Variants in VPS13B observed in about 807,000 individuals in gnomAD.
VPS13B encodes intermembrane lipid transfer protein VPS13B.
A neutral mutation model predicts 426.4 loss-of-function variants in VPS13B; 285 were observed. That is an observed-to-expected ratio of 0.67 (90% confidence interval 0.61 to 0.74). VPS13B has a LOEUF of 0.74. VPS13B is among the 30% of genes least tolerant of loss of function. The pLI is 0.00. For missense variants in VPS13B, 4,537 were observed against 4,782.6 expected (o/e 0.95, Z 1.51); for synonymous variants, 1,676 against 1,676.4 (o/e 1.00, Z 0.01).
intron 39 of VPS13B, among the ~76,000 whole-genome samples, chr8:99,763,619 T>C (rs1182009587): frequency 2.0e-5 from 3 of 152,164 alleles, no homozygotes; most frequent in Admixed American, 2.0e-4. Flanking sequence ...GTATTCTATT[T>C]GGTTATGGAT....
intron 17 of VPS13B, among the ~76,000 whole-genome samples, chr8:99,253,914 T>G: frequency 6.6e-6 from 1 of 152,320 alleles, no homozygotes; most frequent in East Asian, 1.9e-4. Context: ...TTAATGATTG[T>G]TTTAGGTATT....
intron 22 of VPS13B, among the ~76,000 whole-genome samples, chr8:99,437,382 A>C (rs1817435157): frequency 6.6e-6 from 1 of 151,536 alleles, no homozygotes; most frequent in African/African-American, 2.4e-5. Context: ...TATTCCATGT[A>C]GTCTTGGACA....
At chr8:99,427,628 A>C (rs1430842761) in intron 21 of VPS13B, among the ~76,000 whole-genome samples, 1 of 152,132 alleles carries the variant, frequency 6.6e-6, no homozygotes, top group Admixed American at 6.6e-5. Flanking sequence ...TGCTCAATGA[A>C]ATAAAAGAGG....
At chr8:99,738,419 C>A (rs1207758502) in intron 39 of VPS13B, among the ~76,000 whole-genome samples, 3 of 152,158 alleles carry the variant, frequency 2.0e-5, no homozygotes, top group African/African-American at 7.2e-5. Flanking sequence ...TTCCTTTCTA[C>A]TTCATTAGAA....
rs186729358 is a variant in VPS13B at position 99,275,337 on chromosome 8, T to A, written c.2824+83T>A. On this transcript the variant is annotated intron_variant, in intron 19 of 61. Transcript: ENST00000357162. The stretch of plus-strand genomic sequence containing the variant: ...AAAGGCTTTTAAAATTGGTATATAT[T>A]TTTTTTTTTTTAGGTATTTTTGTCA... 0.021 allele frequency: 24,294 copies of A among 1,132,664 alleles called. 253 individuals are homozygous for A. The highest frequency in any genetic ancestry group is 0.022 in the Non-Finnish European group (18,734 of 852,040). 70.2% of individuals were successfully genotyped at this position (1,132,664 alleles called of 1,614,324 possible). A position where few individuals can be genotyped will look rare whatever the true frequency, so the allele number is the denominator to read the frequency against.
At chr8:99,229,375 C>T (rs1263417480) in intron 17 of VPS13B, among the ~76,000 whole-genome samples, 2 of 152,192 alleles carry the variant, frequency 1.3e-5, no homozygotes, top group African/African-American at 4.8e-5. Flanking sequence ...TAAAAGCTAA[C>T]AGCTGAAGAC....
intron 43 of VPS13B, among the ~76,000 whole-genome samples, chr8:99,785,554 T>C (rs1186636963): frequency 1.3e-5 from 2 of 152,200 alleles, no homozygotes; most frequent in Non-Finnish European, 2.9e-5. Context: ...CATGATATGG[T>C]ATTGCATTCA....
chr8:99,606,137 C>A (rs1283173980), intron 33 of VPS13B, among the ~76,000 whole-genome samples: 1 of 152,028 alleles, frequency 6.6e-6, no homozygotes, highest in Non-Finnish European at 1.5e-5. Context: ...AACTCCTGGG[C>A]TCGAGTGATC....
chr8:99,190,985 G>A (rs1285496391), intron 16 of VPS13B, among the ~76,000 whole-genome samples: 4 of 151,980 alleles, frequency 2.6e-5, no homozygotes, highest in African/African-American at 9.7e-5. Context: ...ATGCTGGTGA[G>A]GAATTCTTCC....
rs762545973 is a variant in VPS13B at position 99,871,693 on chromosome 8, T to G, written c.11741T>G (p.Val3914Gly). Residue 3914 changes from valine (V) to glycine (G), a missense_variant, in exon 61 of 62, where the codon GTG (valine) becomes GGG (glycine). Physicochemically the swap from Val to Gly is moderately radical, Grantham distance 109. This residue lies in a region of VPS13B where 4,311 missense variants were observed against 4,474.3 expected (regional missense o/e 0.96). Coordinates refer to ENST00000357162, the MANE Select transcript of VPS13B (RefSeq NM_152564.5). ...QLKQPRVACDVEVDGVRERLS... is the reference protein window; with the variant it reads ...QLKQPRVACDGEVDGVRERLS... Reference sequence around the variant, plus strand: ...AAGCAGCCAAGAGTGGCCTGTGATGTGGAGGTACGTTTCAGAAAACAGGGC... The same window carrying G: ...AAGCAGCCAAGAGTGGCCTGTGATGGGGAGGTACGTTTCAGAAAACAGGGC... The G allele has an allele frequency of 6.2e-7, 1 of 1,613,478 alleles. No homozygotes were observed. The highest frequency in any genetic ancestry group is 8.5e-7 in the Non-Finnish European group (1 of 1,180,000).
At position 99,875,621 on chromosome 8, in the gene VPS13B, A is replaced by G. The variant is rs745447477; in HGVS notation, c.11949A>G (p.Lys3983=). Residue 3983 remains lysine (K), a synonymous_variant, in exon 62 of 62, where the codon AAA becomes AAG. Transcript: ENST00000357162. ...ATTTTGCTCAGGTCTTCCTTAGTAAATTTACCATGGTGAAAAATAAAGCCC... is the reference window on the plus strand; with the variant it reads ...ATTTTGCTCAGGTCTTCCTTAGTAAGTTTACCATGGTGAAAAATAAAGCCC... The part of the protein sequence containing the change: ...DPHFAQVFLS[K]FTMVKNKALR... 10 of 1,614,034 alleles carry G rather than the reference A, an allele frequency of 6.2e-6. No homozygotes were observed. In the South Asian group the frequency reaches 9.9e-5, roughly 16 times the overall value.
rs1363086858 is a variant in VPS13B at position 99,876,171 on chromosome 8, C to T, written c.*505C>T. 1.2e-5 allele frequency: 2 copies of T among 170,016 alleles called. No homozygotes were observed. The highest frequency in any genetic ancestry group is 4.8e-5 in the African/African-American group (2 of 41,658). The allele number at this position is 170,016 out of a possible 1,614,324, so 10.5% of individuals were successfully genotyped here. A position where few individuals can be genotyped will look rare whatever the true frequency, so the allele number is the denominator to read the frequency against. On this transcript the variant is annotated 3_prime_UTR_variant, in exon 62 of 62. Transcript: ENST00000357162. ...GAGCCAGAGTTAAAACTTCAAGTTG[C>T]ATCTGTTTTTGGGCTGAGTCACCAC... is the stretch of plus-strand genomic sequence containing the variant.
intron 32 of VPS13B, among the ~76,000 whole-genome samples, chr8:99,576,299 C>T (rs1041346877): frequency 5.3e-5 from 8 of 152,130 alleles, no homozygotes; most frequent in African/African-American, 1.9e-4. Flanking sequence ...TGCAAGTTTT[C>T]ACAGGATGTA....
At chr8:99,102,085 A>G (rs994711083) in intron 4 of VPS13B, among the ~76,000 whole-genome samples, 2 of 152,166 alleles carry the variant, frequency 1.3e-5, no homozygotes, top group African/African-American at 2.4e-5. Context: ...TTACATGAGA[A>G]ACATAAGTGA....
At chr8:99,823,721 T>G in intron 50 of VPS13B, 111 bp from the exon 51 acceptor site, 1 of 1,159,734 alleles carries the variant, frequency 8.6e-7, no homozygotes, top group Non-Finnish European at 1.3e-6. Flanking sequence ...AAAGGTAAAA[T>G]TGGTACTGTC....
chr8:99,155,239 TAAAG>T (rs1386622270), intron 14 of VPS13B, among the ~76,000 whole-genome samples: 3 of 152,050 alleles, frequency 2.0e-5, no homozygotes, highest in Admixed American at 6.6e-5. Context: ...ATTACTGAAA[TAAAG>T]AAAGCCACTT....
intron 21 of VPS13B, among the ~76,000 whole-genome samples, chr8:99,430,833 C>T (rs1220349273): frequency 6.6e-6 from 1 of 152,012 alleles, no homozygotes; most frequent in Non-Finnish European, 1.5e-5. Context: ...ATTCCCCTGC[C>T]TCAGGCTCCC....
intron 25 of VPS13B, among the ~76,000 whole-genome samples, chr8:99,483,860 G>A (rs543035226): frequency 9.2e-5 from 14 of 152,164 alleles, no homozygotes; most frequent in East Asian, 5.8e-4. Context: ...AGAGACTGCC[G>A]TTCATACAAG....
At chr8:99,390,902 A>G (rs1814407457) in intron 20 of VPS13B, among the ~76,000 whole-genome samples, 1 of 152,166 alleles carries the variant, frequency 6.6e-6, no homozygotes, top group African/African-American at 2.4e-5. Context: ...CAGCTGCTTT[A>G]TTGTCCAGCT....
Sources: gnomAD v4.1 joint callset for allele counts (sites outside exome capture counted in the v4.1 genomes callset) on GRCh38, gnomAD v4.1.1 for gene constraint, gnomAD v4.1.1 regional missense constraint, MANE v1.5 for transcripts, NCBI Gene and HGNC (gene_info 2026-07-23, HGNC 2026-07-21) for gene names.